SDK1: variants seen among roughly 807,000 people sequenced by gnomAD.
SDK1 encodes the protein protein sidekick-1.
A neutral mutation model predicts 245.5 loss-of-function variants in SDK1; 157 were observed. The observed-to-expected ratio is 0.64, with a 90% CI of 0.56 to 0.73. The LOEUF (loss-of-function observed/expected upper bound fraction) is 0.73. Among genes scored for constraint, SDK1 ranks in the 30% least tolerant of loss-of-function variants. The pLI is 0.00. For synonymous variants in SDK1, 1,647 were observed against 1,278.5 expected (o/e 1.29, Z -6.15); for missense variants, 3,583 against 3,002.3 (o/e 1.19, Z -4.52).
Position 4,019,673 on chromosome 7 carries a change from C to G in SDK1, c.2602+2321C>G, listed in dbSNP as rs372781490. Among the ~76,000 whole-genome samples, 3 of 151,968 alleles carry G rather than the reference C, an allele frequency of 2.0e-5. No individual in the cohort carries two copies. The East Asian group carries it at 5.8e-4, about 29-fold the overall frequency. ...TAATGCTGCACGTGCAGTTTCCCAT[C>G]TGCAGCTCGGCTTCTGTAGCAGCAC... On this transcript the variant is annotated intron_variant, in intron 17 of 44. Transcript: ENST00000404826.
At chr7:3,587,449 G>C (rs1780726816) in intron 1 of SDK1, among the ~76,000 whole-genome samples, 1 of 152,122 alleles carries the variant, frequency 6.6e-6, no homozygotes, top group Non-Finnish European at 1.5e-5. Context: ...GAGTGTTAGA[G>C]CCAGAGAGCC....
At chr7:3,997,012 A>G (rs1350160650) in intron 14 of SDK1, among the ~76,000 whole-genome samples, 1 of 152,234 alleles carries the variant, frequency 6.6e-6, no homozygotes, top group Non-Finnish European at 1.5e-5. Flanking sequence ...ATATACAGCC[A>G]TATAGCCCAC....
chr7:3,674,080 AAAAC>A (rs1337575252), intron 4 of SDK1, among the ~76,000 whole-genome samples: 1 of 152,182 alleles, frequency 6.6e-6, no homozygotes, highest in Non-Finnish European at 1.5e-5. Flanking sequence ...ATAGGAGAAA[AAAAC>A]ATCTCTGAAT....
Position 3,693,776 on chromosome 7 carries a change from C to A in SDK1, c.713+51671C>A, listed in dbSNP as rs182306081. Among the ~76,000 whole-genome samples the A allele has an allele frequency of 5.3e-5, 8 of 152,266 alleles. No individual in the cohort carries two copies. The East Asian group carries it at 1.5e-3, about 29-fold the overall frequency. ...TTGTTATAGCCTCTAGATTCTGGCA[C>A]TGGCCTATAATTTTTACCAGCCTAA... is the stretch of plus-strand genomic sequence containing the variant. On this transcript the variant is annotated intron_variant, in intron 4 of 44. Coordinates refer to ENST00000404826, the MANE Select transcript of SDK1 (RefSeq NM_152744.4).
intron 1 of SDK1, among the ~76,000 whole-genome samples, chr7:3,542,824 G>GA (rs1779096045): frequency 6.6e-6 from 1 of 151,978 alleles, no homozygotes; most frequent in South Asian, 2.1e-4. Context: ...AGAGAAATTA[G>GA]AAAAAACATC....
At chr7:3,324,187 T>G (rs1424057111) in intron 1 of SDK1, among the ~76,000 whole-genome samples, 1 of 152,220 alleles carries the variant, frequency 6.6e-6, no homozygotes, top group African/African-American at 2.4e-5. Context: ...TGGTTCTCTT[T>G]TAGCATTTGA....
At chr7:3,432,361 G>A (rs1779879067) in intron 1 of SDK1, among the ~76,000 whole-genome samples, 1 of 152,028 alleles carries the variant, frequency 6.6e-6, no homozygotes, top group Admixed American at 6.6e-5. Flanking sequence ...CAGTTTATCT[G>A]TTGCTACTAG....
intron 4 of SDK1, among the ~76,000 whole-genome samples, chr7:3,711,790 C>T (rs942561797): frequency 2.0e-5 from 3 of 152,106 alleles, no homozygotes; most frequent in African/African-American, 7.2e-5. Context: ...ATTCTGAGTA[C>T]AGTGGGGAGC....
chr7:3,802,888 T>G (rs1251740431), intron 4 of SDK1, among the ~76,000 whole-genome samples: 1 of 152,218 alleles, frequency 6.6e-6, no homozygotes, highest in Non-Finnish European at 1.5e-5. Flanking sequence ...TGTTTTTGTT[T>G]CATCCCAAGG....
chr7:3,554,465 C>T (rs1779520068), intron 1 of SDK1, among the ~76,000 whole-genome samples: 1 of 152,074 alleles, frequency 6.6e-6, no homozygotes, highest in Admixed American at 6.6e-5. Flanking sequence ...AAATTTATGG[C>T]ACTAAATTAC....
chr7:3,418,300 G>C (rs1302581955), intron 1 of SDK1, among the ~76,000 whole-genome samples: 1 of 152,128 alleles, frequency 6.6e-6, no homozygotes, highest in East Asian at 1.9e-4. Context: ...CTGGGCGACA[G>C]AGCGAGACTC....
chr7:3,792,020 C>G (rs536071321), intron 4 of SDK1, among the ~76,000 whole-genome samples: 1 of 152,106 alleles, frequency 6.6e-6, no homozygotes. Context: ...CCCAGCTACT[C>G]AAGAGGCTGA....
intron 22 of SDK1, among the ~76,000 whole-genome samples, chr7:4,093,286 C>G (rs1781921450): frequency 1.3e-5 from 2 of 151,890 alleles, no homozygotes; most frequent in African/African-American, 4.8e-5. Context: ...TGTTTGTCTG[C>G]TCAGTTACCT....
At chr7:4,231,755 T>C (rs1785784351) in intron 40 of SDK1, among the ~76,000 whole-genome samples, 3 of 152,178 alleles carry the variant, frequency 2.0e-5, no homozygotes, top group Admixed American at 2.0e-4. Context: ...TCGGTGCACA[T>C]TCTAAATCCT....
chr7:3,439,205 G>A (rs868011056), intron 1 of SDK1, among the ~76,000 whole-genome samples: 2 of 152,116 alleles, frequency 1.3e-5, no homozygotes, highest in African/African-American at 4.8e-5. Context: ...TCACATTTTT[G>A]GGGTGGTGGT....
chr7:3,668,451 AACAT>A (rs1333393194), intron 4 of SDK1, among the ~76,000 whole-genome samples: 1 of 152,214 alleles, frequency 6.6e-6, no homozygotes, highest in African/African-American at 2.4e-5. Context: ...TCCAAGGACA[AACAT>A]ACAGAGAGAA....
At chr7:4,154,008 A>G (rs746441091) in intron 30 of SDK1, among the ~76,000 whole-genome samples, 1 of 152,176 alleles carries the variant, frequency 6.6e-6, no homozygotes, top group Non-Finnish European at 1.5e-5. Context: ...AAACATTTTT[A>G]GTGCCTTCCA....
At chr7:4,195,420 C>T (rs1465957129) in intron 35 of SDK1, among the ~76,000 whole-genome samples, 1 of 152,158 alleles carries the variant, frequency 6.6e-6, no homozygotes, top group African/African-American at 2.4e-5. Flanking sequence ...TTTCTTGGGG[C>T]TCAGCTTTTC....
chr7:3,442,691 G>A lies in SDK1; in HGVS notation c.298+140807G>A, dbSNP rs536579880. On this transcript the variant is annotated intron_variant, in intron 1 of 44. Transcript: ENST00000404826. ...TTATAGTAACATGGGGAAATTAAAA[G>A]TGAGTAATTGTACAAGTTTAGTGCA... is the stretch of plus-strand genomic sequence containing the variant. Among the ~76,000 whole-genome samples the A allele has an allele frequency of 3.3e-5, 5 of 152,286 alleles. No homozygotes were observed. The South Asian group carries it at 8.3e-4, about 25-fold the overall frequency.
Sources: allele counts gnomAD v4.1 joint callset (sites outside exome capture counted in the v4.1 genomes callset), GRCh38; gene constraint gnomAD v4.1.1; transcripts MANE v1.5; gene names NCBI Gene and HGNC (gene_info 2026-07-23, HGNC 2026-07-21).